ANKRD30B: variants seen among roughly 807,000 people sequenced by gnomAD.
ANKRD30B encodes ankyrin repeat domain-containing protein 30B.
ANKRD30B carries 144 observed loss-of-function variants against 202.2 expected under a neutral mutation model. The observed-to-expected ratio is 0.71, with a 90% CI of 0.62 to 0.82. ANKRD30B has a LOEUF of 0.82. ANKRD30B is among the 40% of genes least tolerant of loss of function. The pLI, the probability that ANKRD30B is intolerant of heterozygous loss-of-function variation, is 0.00. For missense variants in ANKRD30B, 1,487 were observed against 1,669.1 expected (o/e 0.89, Z 1.90); for synonymous variants, 508 against 561.3 (o/e 0.91, Z 1.34).
chr18:14,887,512 A>G, the ANKRD30B span, among the ~76,000 whole-genome samples: 2 of 152,074 alleles, frequency 1.3e-5, no homozygotes, highest in Admixed American at 6.6e-5. Flanking sequence ...TATGTGGTGA[A>G]AGATTTTTTA....
chr18:14,915,010 T>C, the ANKRD30B span, among the ~76,000 whole-genome samples: 1 of 152,004 alleles, frequency 6.6e-6, no homozygotes, highest in Non-Finnish European at 1.5e-5. Context: ...TTTTGAAGGG[T>C]CCCAAAATAG....
the ANKRD30B span, among the ~76,000 whole-genome samples, chr18:14,885,940 A>T: frequency 1.3e-5 from 2 of 152,046 alleles, no homozygotes; most frequent in Non-Finnish European, 2.9e-5. Context: ...CTTTCAAAGA[A>T]CATTTTTAAA....
chr18:14,836,325 C>G (rs1306902486), intron 34 of ANKRD30B, among the ~76,000 whole-genome samples: 2 of 152,074 alleles, frequency 1.3e-5, no homozygotes, highest in Admixed American at 6.6e-5. Flanking sequence ...TTTCCCCATC[C>G]TAGTAAATAA....
At chr18:14,882,406 C>CAA in the ANKRD30B span, among the ~76,000 whole-genome samples, 1 of 152,294 alleles carries the variant, frequency 6.6e-6, no homozygotes, top group Admixed American at 6.5e-5. Flanking sequence ...CATGTATTTG[C>CAA]ATGGTTTTGA....
At chr18:14,756,720 C>T (rs1050276371) in intron 4 of ANKRD30B, among the ~76,000 whole-genome samples, 9 of 152,192 alleles carry the variant, frequency 5.9e-5, no homozygotes, top group Admixed American at 3.9e-4. Flanking sequence ...ATGGTAAAAC[C>T]GCATCTCTAC....
chr18:14,904,764 T>C, the ANKRD30B span, among the ~76,000 whole-genome samples: 2 of 152,212 alleles, frequency 1.3e-5, no homozygotes, highest in Non-Finnish European at 2.9e-5. Context: ...GGATTACAGC[T>C]TGGTTTATAC....
intron 18 of ANKRD30B, among the ~76,000 whole-genome samples, chr18:14,796,710 C>A (rs1968923254): frequency 6.6e-6 from 1 of 150,574 alleles, no homozygotes; most frequent in Non-Finnish European, 1.5e-5. Flanking sequence ...ATAATAGACA[C>A]AGACAAGATA....
the ANKRD30B span, among the ~76,000 whole-genome samples, chr18:14,869,780 G>A: frequency 2.0e-5 from 3 of 151,790 alleles, no homozygotes; most frequent in Non-Finnish European, 4.4e-5. Context: ...ATTAGTATTG[G>A]TAACATTCTT....
the ANKRD30B span, among the ~76,000 whole-genome samples, chr18:14,937,928 C>T: frequency 3.9e-5 from 6 of 152,262 alleles, no homozygotes; most frequent in African/African-American, 1.2e-4. Context: ...GGCCTGGAAC[C>T]GTTTCAAGAT....
chr18:14,793,221 G>A (rs1968641764), intron 16 of ANKRD30B, among the ~76,000 whole-genome samples: 1 of 151,870 alleles, frequency 6.6e-6, no homozygotes, highest in Admixed American at 6.6e-5. Flanking sequence ...ATATATCCAA[G>A]CTGATCAATT....
chr18:14,768,932 C>T (rs1335780814), intron 7 of ANKRD30B, among the ~76,000 whole-genome samples: 6 of 152,132 alleles, frequency 3.9e-5, no homozygotes, highest in South Asian at 2.1e-4. Flanking sequence ...TCTATTTTTC[C>T]GTGCATTTGA....
At chr18:14,835,791 C>CTA (rs1377905657) in intron 34 of ANKRD30B, among the ~76,000 whole-genome samples, 1 of 151,884 alleles carries the variant, frequency 6.6e-6, no homozygotes, top group African/African-American at 2.4e-5. Context: ...TTCTATCTCA[C>CTA]TTTATAGTAG....
At chr18:14,778,537 G>C (rs1967521776) in intron 10 of ANKRD30B, among the ~76,000 whole-genome samples, 1 of 152,174 alleles carries the variant, frequency 6.6e-6, no homozygotes, top group Non-Finnish European at 1.5e-5. Flanking sequence ...CCGGTGGGAA[G>C]GCATTAGGGA....
At chr18:14,899,101 G>A in the ANKRD30B span, among the ~76,000 whole-genome samples, 24 of 151,948 alleles carry the variant, frequency 1.6e-4, no homozygotes, top group Non-Finnish European at 3.4e-4. Flanking sequence ...TTATTTTAGA[G>A]TTTGAATATA....
intron 7 of ANKRD30B, among the ~76,000 whole-genome samples, chr18:14,768,618 A>G (rs1385972009): frequency 6.6e-6 from 1 of 152,176 alleles, no homozygotes; most frequent in Non-Finnish European, 1.5e-5. Flanking sequence ...TTTTTGGTGG[A>G]CAAAATCTTC....
the ANKRD30B span, among the ~76,000 whole-genome samples, chr18:14,923,293 T>C: frequency 6.6e-6 from 1 of 151,804 alleles, no homozygotes. Context: ...GAAGGGTGAG[T>C]CCTAGGCCTG....
At chr18:14,864,969 A>T in the ANKRD30B span, among the ~76,000 whole-genome samples, 1 of 150,382 alleles carries the variant, frequency 6.6e-6, no homozygotes, top group Admixed American at 6.6e-5. Flanking sequence ...CTTCCCGCTC[A>T]CCCTCTTCTT....
At chr18:14,823,805 C>G (rs1970555193) in intron 32 of ANKRD30B, among the ~76,000 whole-genome samples, 1 of 152,138 alleles carries the variant, frequency 6.6e-6, no homozygotes, top group Non-Finnish European at 1.5e-5. Flanking sequence ...GAAACCCTAT[C>G]TCTACTAAAA....
At chr18:14,866,691 T>C in the ANKRD30B span, among the ~76,000 whole-genome samples, 1 of 150,886 alleles carries the variant, frequency 6.6e-6, no homozygotes, top group African/African-American at 2.4e-5. Flanking sequence ...GGTGGTGGGG[T>C]GGGTTGGGTG....
Sources: gnomAD v4.1 joint callset for allele counts (sites outside exome capture counted in the v4.1 genomes callset) on GRCh38, gnomAD v4.1.1 for gene constraint, MANE v1.5 for transcripts, NCBI Gene and HGNC (gene_info 2026-07-23, HGNC 2026-07-21) for gene names.